Variants in MAGI2 observed in about 807,000 individuals in gnomAD.
The protein encoded by MAGI2 is membrane associated guanylate kinase, WW and PDZ domain containing 2.
MAGI2 carries 35 observed loss-of-function variants against 133.3 expected under a neutral mutation model. The observed-to-expected ratio is 0.26, with a 90% CI of 0.20 to 0.35. The LOEUF (loss-of-function observed/expected upper bound fraction) is 0.35. Among genes scored for constraint, MAGI2 ranks in the 10% least tolerant of loss-of-function variants. The pLI, the probability that MAGI2 is intolerant of heterozygous loss-of-function variation, is 1.00. For missense variants in MAGI2, 1,636 were observed against 1,863.4 expected (o/e 0.88, Z 2.25); for synonymous variants, 729 against 710.6 (o/e 1.03, Z -0.41).
At chr7:79,271,586 A>G (rs13224467) in intron 1 of MAGI2, among the ~76,000 whole-genome samples, 83,730 of 151,628 alleles carry the variant, frequency 0.55, 25,709 homozygotes, top group Non-Finnish European at 0.68. Context: ...AGTTTTTTAA[A>G]TGTGGGTGAT....
At chr7:78,830,662 C>T (rs375072274) in intron 2 of MAGI2, among the ~76,000 whole-genome samples, 1 of 151,520 alleles carries the variant, frequency 6.6e-6, no homozygotes, top group East Asian at 1.9e-4. Context: ...AAACACATTA[C>T]AATGAAAAAA....
chr7:79,269,509 G>A (rs1585384780), intron 1 of MAGI2, among the ~76,000 whole-genome samples: 1 of 152,146 alleles, frequency 6.6e-6, no homozygotes, highest in East Asian at 1.9e-4. Context: ...AATAATAAAT[G>A]AAAAATATAC....
At chr7:78,092,722 G>A (rs117107737) in intron 20 of MAGI2, among the ~76,000 whole-genome samples, 1,931 of 152,110 alleles carry the variant, frequency 0.013, 23 homozygotes, top group Admixed American at 0.017. Context: ...TTTCAGTTTC[G>A]GTTAATAATT....
At chr7:78,771,972 G>A (rs1330494) in intron 2 of MAGI2, among the ~76,000 whole-genome samples, 61,364 of 151,916 alleles carry the variant, frequency 0.4, 12,819 homozygotes, top group Non-Finnish European at 0.47. Flanking sequence ...TCCTCTTCTT[G>A]CAACCCAATC....
chr7:79,284,862 G>T (rs575892518), intron 1 of MAGI2, among the ~76,000 whole-genome samples: 1 of 152,130 alleles, frequency 6.6e-6, no homozygotes, highest in South Asian at 2.1e-4. Context: ...GCACAGCAGA[G>T]AAAATTACTT....
intron 1 of MAGI2, among the ~76,000 whole-genome samples, chr7:79,332,887 A>G (rs1274094813): frequency 1.3e-5 from 2 of 152,196 alleles, no homozygotes; most frequent in Non-Finnish European, 2.9e-5. Context: ...GGAAGTAAAC[A>G]TAGGGATTAA....
At chr7:79,448,469 T>G (rs1849014389) in intron 1 of MAGI2, among the ~76,000 whole-genome samples, 1 of 152,126 alleles carries the variant, frequency 6.6e-6, no homozygotes, top group East Asian at 1.9e-4. Flanking sequence ...AAAATCTACA[T>G]AATGCTTATC....
At chr7:78,417,032 T>C (rs1172483512) in intron 6 of MAGI2, among the ~76,000 whole-genome samples, 2 of 152,080 alleles carry the variant, frequency 1.3e-5, no homozygotes, top group Non-Finnish European at 2.9e-5. Flanking sequence ...CCTCCAAATA[T>C]ATCCTCACTT....
chr7:78,577,571 AAG>A (rs1300874888), intron 3 of MAGI2, among the ~76,000 whole-genome samples: 7 of 151,908 alleles, frequency 4.6e-5, no homozygotes, highest in Middle Eastern at 3.4e-3. Flanking sequence ...TGAGTCCGAA[AAG>A]AGAGTCAGTG....
At chr7:78,675,809 T>C (rs762181679) in intron 2 of MAGI2, among the ~76,000 whole-genome samples, 1 of 152,102 alleles carries the variant, frequency 6.6e-6, no homozygotes, top group Non-Finnish European at 1.5e-5. Flanking sequence ...CAAATGGAAA[T>C]GAAGTTAAAT....
intron 6 of MAGI2, among the ~76,000 whole-genome samples, chr7:78,412,616 G>A (rs960267154): frequency 6.6e-6 from 1 of 152,034 alleles, no homozygotes; most frequent in African/African-American, 2.4e-5. Flanking sequence ...TGGAACTAGG[G>A]CAGGTTCTAG....
intron 10 of MAGI2, among the ~76,000 whole-genome samples, chr7:78,238,483 T>C (rs1046065784): frequency 2.0e-5 from 3 of 152,090 alleles, no homozygotes; most frequent in Non-Finnish European, 4.4e-5. Flanking sequence ...GGAGGATTAC[T>C]TGAGCCCAGG....
chr7:78,109,076 G>T (rs937875901), intron 20 of MAGI2, among the ~76,000 whole-genome samples: 2 of 151,506 alleles, frequency 1.3e-5, no homozygotes, highest in African/African-American at 4.8e-5. Flanking sequence ...AGGCCGAGGC[G>T]GGCGGATCAC....
chr7:79,261,399 A>T (rs1232130497), intron 1 of MAGI2, among the ~76,000 whole-genome samples: 1 of 152,206 alleles, frequency 6.6e-6, no homozygotes, highest in East Asian at 1.9e-4. Flanking sequence ...TACAAAGGAT[A>T]CCAAAATATC....
intron 4 of MAGI2, among the ~76,000 whole-genome samples, chr7:78,512,636 C>T (rs915265052): frequency 2.0e-5 from 3 of 152,144 alleles, no homozygotes; most frequent in African/African-American, 4.8e-5. Context: ...GAATTCCTGA[C>T]CTTGTGATCC....
intron 2 of MAGI2, among the ~76,000 whole-genome samples, chr7:78,968,954 G>A (rs189290369): frequency 1.3e-4 from 20 of 152,126 alleles, no homozygotes; most frequent in Middle Eastern, 3.4e-3. Context: ...ATAAAAAGCA[G>A]CCTCCAAACC....
chr7:78,316,849 G>C (rs1018146287), intron 9 of MAGI2, among the ~76,000 whole-genome samples: 1 of 152,204 alleles, frequency 6.6e-6, no homozygotes, highest in Non-Finnish European at 1.5e-5. Context: ...TCTGGCCCAT[G>C]AGCTGATAAA....
chr7:79,246,871 G>C (rs777161727), intron 1 of MAGI2, among the ~76,000 whole-genome samples: 1 of 152,026 alleles, frequency 6.6e-6, no homozygotes, highest in Admixed American at 6.6e-5. Context: ...AACTCCCAAA[G>C]CTCAAGGATA....
chr7:78,900,456 C>A (rs1225363060), intron 2 of MAGI2, among the ~76,000 whole-genome samples: 2 of 152,084 alleles, frequency 1.3e-5, no homozygotes, highest in African/African-American at 4.8e-5. Flanking sequence ...GACCCCTTTG[C>A]TATTCCTTGA....
Sources: allele counts gnomAD v4.1 joint callset (sites outside exome capture counted in the v4.1 genomes callset), GRCh38; gene constraint gnomAD v4.1.1; transcripts MANE v1.5; gene names NCBI Gene and HGNC (gene_info 2026-07-23, HGNC 2026-07-21).